Variants in ZNF25 observed in about 807,000 individuals in gnomAD.
The protein encoded by ZNF25 is zinc finger protein 25 (KOX 19).
ZNF25 carries 21 observed loss-of-function variants against 30.9 expected under a neutral mutation model. The observed-to-expected ratio is 0.68, with a 90% CI of 0.48 to 0.98. The LOEUF is 0.98. Ranked by LOEUF, ZNF25 falls within the 50% of genes least tolerant of loss-of-function variation. The pLI is 0.00. For missense variants in ZNF25, 501 were observed against 529.9 expected (o/e 0.95, Z 0.54); for synonymous variants, 169 against 181.3 (o/e 0.93, Z 0.55).
intron 1 of ZNF25, among the ~76,000 whole-genome samples, chr10:37,975,289 G>C (rs1329798457): frequency 6.6e-6 from 1 of 152,044 alleles, no homozygotes. Flanking sequence ...AATGATAAAT[G>C]AGGCGGTGGA....
intron 2 of ZNF25, among the ~76,000 whole-genome samples, chr10:37,964,471 G>T (rs1439496133): frequency 6.6e-6 from 1 of 152,188 alleles, no homozygotes; most frequent in Non-Finnish European, 1.5e-5. Context: ...AGAAGAAAAT[G>T]AGGAATGTAT....
intron 1 of ZNF25, among the ~76,000 whole-genome samples, chr10:37,972,770 T>C (rs1030051090): frequency 6.6e-6 from 1 of 152,148 alleles, no homozygotes; most frequent in Non-Finnish European, 1.5e-5. Context: ...TGTTCACAGA[T>C]GACATGACCC....
intron 2 of ZNF25, among the ~76,000 whole-genome samples, chr10:37,959,003 C>T (rs977549829): frequency 1.3e-5 from 2 of 152,150 alleles, no homozygotes; most frequent in Non-Finnish European, 2.9e-5. Context: ...AAGCCAAGAT[C>T]GTGCCACTGA....
chr10:37,957,225 G>A (rs897353908), intron 3 of ZNF25, 110 bp from the exon 4 acceptor site: 7 of 1,313,184 alleles, frequency 5.3e-6, no homozygotes, highest in Non-Finnish European at 7.4e-6. Context: ...AGTTAGGCTT[G>A]GCAAATTTAG....
chr10:37,953,621 C>T, intron 5 of ZNF25, 74 bp downstream of exon 5: 1 of 1,378,944 alleles, frequency 7.3e-7, no homozygotes, highest in Non-Finnish European at 1.0e-6. Context: ...AACTAGTGCC[C>T]TCCCATTTCT....
intron 2 of ZNF25, among the ~76,000 whole-genome samples, chr10:37,968,874 T>C (rs990959600): frequency 6.6e-6 from 1 of 152,170 alleles, no homozygotes; most frequent in Non-Finnish European, 1.5e-5. Flanking sequence ...ACGTGGGTTC[T>C]GAAGGGCTGA....
At position 37,950,248 on chromosome 10, in the gene ZNF25, A is replaced by C. The variant is rs2062074070; in HGVS notation, c.*1879T>G. The C allele has an allele frequency of 6.6e-6, 1 of 152,612 alleles. No homozygotes were observed. Among genetic ancestry groups the C allele is most frequent in the Non-Finnish European group, 1.5e-5 (1 of 68,038 alleles). The allele number at this position is 152,612 out of a possible 1,614,324, so 9.5% of individuals were successfully genotyped here. On this transcript the variant is annotated 3_prime_UTR_variant, in exon 6 of 6. Transcript: ENST00000302609. The stretch of plus-strand genomic sequence containing the variant: ...CAAAGACAGCCACAGGTCAAACATA[A>C]ATAGGTGTTTTTTGTTTGTATTCAT...
chr10:37,974,605 C>T (rs879385003), intron 1 of ZNF25, among the ~76,000 whole-genome samples: 3 of 151,748 alleles, frequency 2.0e-5, no homozygotes, highest in Non-Finnish European at 4.4e-5. Flanking sequence ...ATAAAAAAGG[C>T]AAAAAAATAA....
chr10:37,971,763 G>T lies in ZNF25; in HGVS notation c.-41C>A, dbSNP rs764389844. 1 of 1,613,998 alleles carries T rather than the reference G, an allele frequency of 6.2e-7. No homozygotes were observed. Among genetic ancestry groups the T allele is most frequent in the South Asian group, 1.1e-5 (1 of 91,070 alleles). ...GGAAAGGCTGAAAACTGCAAAGCCAGAGCAGAAATCATAAGGGACCTTAGC... is the reference window on the plus strand; with the variant it reads ...GGAAAGGCTGAAAACTGCAAAGCCATAGCAGAAATCATAAGGGACCTTAGC... On this transcript the variant is annotated 5_prime_UTR_variant, in exon 2 of 6. It adds an upstream start codon to the 5' untranslated region. Transcript: ENST00000302609.
Position 37,971,715 on chromosome 10 carries a change from T to G in ZNF25, c.8A>C (p.Lys3Thr), listed in dbSNP as rs755792012. The change falls in exon 2 of 6, where the codon AAG becomes ACG. Residue 3 changes from lysine (K) to threonine (T), a missense_variant. Physicochemically the swap from Lys to Thr is moderately conservative, Grantham distance 78 (BLOSUM62 -1). Transcript: ENST00000302609. ...GCTAAGTAAATGACTCACCTGGAACTTGTTCATTTTCTGCTGCTCTTGGGA... is the reference window on the plus strand; with the variant it reads ...GCTAAGTAAATGACTCACCTGGAACGTGTTCATTTTCTGCTGCTCTTGGGA... MN[K>T]FQGPVTLKDV... is the part of the protein sequence containing the mutation. The G allele has an allele frequency of 1.2e-6, 2 of 1,613,424 alleles. No homozygotes were observed. The highest frequency in any genetic ancestry group is 1.3e-5 in the African/African-American group (1 of 74,698).
At chr10:37,963,106 C>CTATT (rs201115060) in intron 2 of ZNF25, among the ~76,000 whole-genome samples, 137 of 141,492 alleles carry the variant, frequency 9.7e-4, no homozygotes, top group South Asian at 1.5e-3. Context: ...TTTTTCTTTT[C>CTATT]TATTTATTTA....
rs143239470 is a variant in ZNF25 at position 37,973,596 on chromosome 10, C to CAAA, written c.-85-1792_-85-1790dup. ...ATTGCACCAAACTGAGCCCTTGTCTCAAAAAAAAAAAAAAAAGAGTATAAA... is the reference window on the plus strand; with the variant it reads ...ATTGCACCAAACTGAGCCCTTGTCTCAAAAAAAAAAAAAAAAAAAGAGTATAAA... On this transcript the variant is annotated intron_variant, in intron 1 of 5. Coordinates refer to ENST00000302609, the MANE Select transcript of ZNF25 (RefSeq NM_145011.4). Among the ~76,000 whole-genome samples, 206 of 129,956 alleles carry CAAA rather than the reference C, an allele frequency of 1.6e-3. 6 individuals are homozygous for CAAA. The highest frequency in any genetic ancestry group is 3.2e-3 in the South Asian group (13 of 4,032). The allele number at this position is 129,956 out of a possible 152,430, so 85.3% of individuals were successfully genotyped here. A position where few individuals can be genotyped will look rare whatever the true frequency, so the allele number is the denominator to read the frequency against.
intron 1 of ZNF25, 102 bp from the exon 2 acceptor site, chr10:37,971,909 A>T (rs1184183946): frequency 2.9e-6 from 2 of 701,618 alleles, no homozygotes; most frequent in African/African-American, 1.8e-5. Context: ...ATGAAGTAGC[A>T]CCCACCTGTC....
chr10:37,955,050 A>C (rs1465512587), intron 4 of ZNF25, among the ~76,000 whole-genome samples: 1 of 151,982 alleles, frequency 6.6e-6, no homozygotes, highest in Non-Finnish European at 1.5e-5. Context: ...GCTACTCAAG[A>C]GGCTGAGGCA....
At chr10:37,954,557 T>G (rs2062394486) in intron 4 of ZNF25, among the ~76,000 whole-genome samples, 1 of 152,174 alleles carries the variant, frequency 6.6e-6, no homozygotes, top group Non-Finnish European at 1.5e-5. Flanking sequence ...GACCATCAAA[T>G]CCTGCACTTC....
chr10:37,975,332 T>C (rs1280311585), intron 1 of ZNF25, among the ~76,000 whole-genome samples: 2 of 152,044 alleles, frequency 1.3e-5, no homozygotes, highest in African/African-American at 4.8e-5. Context: ...TCATGACACA[T>C]TGTATGCATA....
At chr10:37,963,235 G>T (rs575096072) in intron 2 of ZNF25, among the ~76,000 whole-genome samples, 2 of 151,800 alleles carry the variant, frequency 1.3e-5, no homozygotes, top group Admixed American at 1.3e-4. Flanking sequence ...CACTTCCCCC[G>T]CCCCAGGCTC....
At chr10:37,953,374 A>T in intron 5 of ZNF25, 179 bp from the exon 6 acceptor site, 1 of 641,390 alleles carries the variant, frequency 1.6e-6, no homozygotes, top group Non-Finnish European at 2.6e-6. Flanking sequence ...ACTGTAGTTT[A>T]ACATTTGGTA....
rs909373243 is a variant in ZNF25 at position 37,951,946 on chromosome 10, A to G, written c.*181T>C. On this transcript the variant is annotated 3_prime_UTR_variant, in exon 6 of 6. Coordinates refer to ENST00000302609, the MANE Select transcript of ZNF25 (RefSeq NM_145011.4). ...AATATTTAGAAAAGCCTAAAATATG[A>G]TAAAATTTTCTCCCAAATAAATGTA... 8.1e-6 allele frequency: 4 copies of G among 494,604 alleles called. No individual in the cohort carries two copies. Among genetic ancestry groups the G allele is most frequent in the African/African-American group, 7.9e-5 (4 of 50,340 alleles). The allele number at this position is 494,604 out of a possible 1,614,324, so 30.6% of individuals were successfully genotyped here.
Sources: allele counts gnomAD v4.1 joint callset (sites outside exome capture counted in the v4.1 genomes callset), GRCh38; gene constraint gnomAD v4.1.1; transcripts MANE v1.5; gene names NCBI Gene and HGNC (gene_info 2026-07-23, HGNC 2026-07-21).